Variants in DNAH5 observed in about 807,000 individuals in gnomAD.
The protein encoded by DNAH5 is dynein axonemal heavy chain 5.
DNAH5 carries 372 observed loss-of-function variants against 518.2 expected under a neutral mutation model. The observed-to-expected ratio is 0.72, with a 90% confidence interval of 0.66 to 0.78. The LOEUF (loss-of-function observed/expected upper bound fraction) is 0.78. Among genes scored for constraint, DNAH5 ranks in the 30% least tolerant of loss-of-function variants. The pLI, the probability that DNAH5 is intolerant of heterozygous loss-of-function variation, is 0.00. For synonymous variants in DNAH5, 2,039 were observed against 2,025.9 expected (o/e 1.01, Z -0.17); for missense variants, 5,523 against 5,687.0 (o/e 0.97, Z 0.93).
chr5:13,766,648 G>T (rs1360147425), intron 58 of DNAH5, among the ~76,000 whole-genome samples: 1 of 152,206 alleles, frequency 6.6e-6, no homozygotes, highest in Non-Finnish European at 1.5e-5. Context: ...TAGCCACAGG[G>T]CTGACAGATT....
chr5:13,747,603 A>G lies in DNAH5; in HGVS notation c.11211+3475T>C, dbSNP rs534320304. On this transcript the variant is annotated intron_variant, in intron 65 of 78. Transcript: ENST00000265104. ...TCTAACTGGTGTGAGATGGTATCTC[A>G]TTGTGGTTTTGATTTGCATTTCTCT... 7.1e-4 allele frequency among the ~76,000 whole-genome samples: 108 copies of G among 152,234 alleles called. 1 individual carries two copies. In the South Asian group the frequency reaches 0.022, roughly 30 times the overall value.
intron 47 of DNAH5, among the ~76,000 whole-genome samples, chr5:13,800,595 T>G (rs1334853772): frequency 6.6e-6 from 1 of 152,172 alleles, no homozygotes; most frequent in Non-Finnish European, 1.5e-5. Flanking sequence ...CTCACAGGGA[T>G]TAATGTCATG....
intron 25 of DNAH5, 113 bp downstream of exon 25, chr5:13,867,661 G>A: frequency 1.1e-6 from 1 of 882,074 alleles, no homozygotes; most frequent in East Asian, 2.4e-5. Context: ...CCCATTCCCT[G>A]GGAATTCCTA....
At chr5:13,834,087 G>A (rs1002368932) in intron 35 of DNAH5, among the ~76,000 whole-genome samples, 6 of 152,282 alleles carry the variant, frequency 3.9e-5, no homozygotes, top group Admixed American at 1.3e-4. Flanking sequence ...AGTTACTATC[G>A]AAAATTAATA....
At chr5:13,932,933 G>C (rs1057370858) in intron 1 of DNAH5, among the ~76,000 whole-genome samples, 1 of 152,238 alleles carries the variant, frequency 6.6e-6, no homozygotes, top group Non-Finnish European at 1.5e-5. Context: ...TAACATGCAG[G>C]TTCTCAATTT....
At chr5:13,852,856 G>T (rs2151888108) in intron 30 of DNAH5, among the ~76,000 whole-genome samples, 1 of 152,296 alleles carries the variant, frequency 6.6e-6, no homozygotes, top group Non-Finnish European at 1.5e-5. Context: ...CTGAAAAAAA[G>T]GCAGCAGCCT....
chr5:13,869,858 T>C (rs1769820139), intron 24 of DNAH5, among the ~76,000 whole-genome samples: 1 of 152,174 alleles, frequency 6.6e-6, no homozygotes, highest in Non-Finnish European at 1.5e-5. Flanking sequence ...TAAGACTGAT[T>C]TTGCTGGTGG....
Position 13,867,853 on chromosome 5 carries a change from G to A in DNAH5, c.3974C>T (p.Pro1325Leu). ...ACTAATAAGCTCTTTCTTGAAACTGGGCTGCAGTGAGACTAATTTATTCTG... is the reference window on the plus strand; with the variant it reads ...ACTAATAAGCTCTTTCTTGAAACTGAGCTGCAGTGAGACTAATTTATTCTG... The part of the protein sequence containing the change: ...EVQNKLVSLQ[P>L]SFKKELISAV... Residue 1325 changes from proline to leucine, a missense_variant, in exon 25 of 79, where the codon CCC (proline) becomes CTC (leucine). Pro to Leu is a moderately conservative substitution (Grantham distance 98). Coordinates refer to ENST00000265104, the MANE Select transcript of DNAH5 (RefSeq NM_001369.3). 1 of 1,613,984 alleles carries A rather than the reference G, an allele frequency of 6.2e-7. No homozygotes were observed. Among genetic ancestry groups the A allele is most frequent in the South Asian group, 1.1e-5 (1 of 91,062 alleles).
Position 13,751,329 on chromosome 5 carries a change from G to C in DNAH5, c.11029-69C>G, listed in dbSNP as rs1750197515. The C allele has an allele frequency of 4.4e-6, 6 of 1,364,164 alleles. No individual in the cohort carries two copies. In the Admixed American group the frequency reaches 9.8e-5, roughly 22 times the overall value. 84.5% of individuals were successfully genotyped at this position (1,364,164 alleles called of 1,614,324 possible). ...ACCTTACTGTGTCTTTTTTGTATCA[G>C]ATCAAGTATTGTTTTAAATAATTAC... On this transcript the variant is annotated intron_variant, in intron 64 of 78. Coordinates refer to ENST00000265104, the MANE Select transcript of DNAH5 (RefSeq NM_001369.3).
At chr5:13,740,320 G>C (rs1748270935) in intron 65 of DNAH5, among the ~76,000 whole-genome samples, 1 of 145,250 alleles carries the variant, frequency 6.9e-6, no homozygotes, top group South Asian at 2.2e-4. Flanking sequence ...CCAGCAGTCA[G>C]AATGATGCTA....
At chr5:13,874,760 C>T (rs1770630927) in intron 22 of DNAH5, among the ~76,000 whole-genome samples, 1 of 152,126 alleles carries the variant, frequency 6.6e-6, no homozygotes, top group Non-Finnish European at 1.5e-5. Context: ...TCAAGTGATC[C>T]CCCACCTTGG....
intron 47 of DNAH5, 109 bp downstream of exon 47, chr5:13,807,482 T>C (rs947394019): frequency 1.9e-6 from 2 of 1,067,596 alleles, no homozygotes; most frequent in Non-Finnish European, 2.8e-6. Context: ...TGATTTATCA[T>C]GGCTATGAAA....
intron 1 of DNAH5, among the ~76,000 whole-genome samples, chr5:14,008,989 G>A (rs1027624417): frequency 4.6e-5 from 7 of 152,238 alleles, no homozygotes; most frequent in South Asian, 4.1e-4. Flanking sequence ...GTCCTGTCTC[G>A]AAGCTGGTTT....
chr5:13,953,864 C>T (rs751647918), intron 1 of DNAH5, among the ~76,000 whole-genome samples: 2 of 152,078 alleles, frequency 1.3e-5, no homozygotes, highest in Non-Finnish European at 2.9e-5. Flanking sequence ...CCTGCCACCA[C>T]GTCCAGCTAA....
At position 13,922,180 on chromosome 5, in the gene DNAH5, C is replaced by A. The variant is rs773082738; in HGVS notation, c.587G>T (p.Arg196Leu). The A allele has an allele frequency of 6.2e-7, 1 of 1,613,938 alleles. No homozygotes were observed. The highest frequency in any genetic ancestry group is 8.5e-7 in the Non-Finnish European group (1 of 1,179,990). The change falls in exon 5 of 79, where the codon CGC becomes CTC. Residue 196 changes from arginine (R) to leucine (L), a missense_variant. Arg to Leu is a moderately radical substitution (Grantham distance 102). Around this residue, in one of 3 missense-constraint regions of DNAH5, gnomAD observed 5,121 missense variants for 5,223.3 expected, o/e 0.98. Transcript: ENST00000265104. ...LEGLQDAANI[R>L]QEFLSSLEGF... ...TTCCAGGGAGCTCAAGAACTCCTGG[C>A]GAATGTTAGCTGCGTCCTGAAGGCC...
At chr5:13,883,188 A>C (rs1316661590) in intron 19 of DNAH5, 94 bp from the exon 20 acceptor site, 1 of 1,267,916 alleles carries the variant, frequency 7.9e-7, no homozygotes, top group East Asian at 2.5e-5. Flanking sequence ...AATACATAAT[A>C]GGTATAAAAT....
intron 55 of DNAH5, among the ~76,000 whole-genome samples, chr5:13,771,772 C>T (rs1753372288): frequency 6.6e-6 from 1 of 152,144 alleles, no homozygotes; most frequent in South Asian, 2.1e-4. Flanking sequence ...TTATCACAAC[C>T]ATTTCTATGT....
chr5:13,819,828 A>G (rs1204815097), intron 41 of DNAH5, among the ~76,000 whole-genome samples: 1 of 152,206 alleles, frequency 6.6e-6, no homozygotes, highest in Non-Finnish European at 1.5e-5. Flanking sequence ...AAGGTAATTT[A>G]TGATTGGGAT....
intron 65 of DNAH5, among the ~76,000 whole-genome samples, chr5:13,743,284 T>G (rs557977087): frequency 1.3e-5 from 2 of 152,218 alleles, no homozygotes; most frequent in African/African-American, 4.8e-5. Flanking sequence ...TGTAAAATTC[T>G]TATATAAACT....
Sources: gnomAD v4.1 joint callset for allele counts (sites outside exome capture counted in the v4.1 genomes callset) on GRCh38, gnomAD v4.1.1 for gene constraint, gnomAD v4.1.1 regional missense constraint, MANE v1.5 for transcripts, NCBI Gene and HGNC (gene_info 2026-07-23, HGNC 2026-07-21) for gene names.